SMIM20: variants seen among roughly 807,000 people sequenced by gnomAD.
SMIM20 encodes mitochondrial translation regulation assembly intermediate of cytochrome c oxidase protein of 7 kDa.
A neutral mutation model predicts 8.7 loss-of-function variants in SMIM20; 3 were observed. That is an observed-to-expected ratio of 0.34 (90% CI 0.16 to 0.89). The LOEUF is 0.89. Among genes scored for constraint, SMIM20 ranks in the 40% least tolerant of loss-of-function variants. SMIM20 has a pLI of 0.49. For synonymous variants in SMIM20, 44 were observed against 33.6 expected (o/e 1.31, Z -1.07); for missense variants, 85 against 84.8 (o/e 1.00, Z -0.01).
At chr4:25,919,697 C>G (rs1232329287) in intron 1 of SMIM20, among the ~76,000 whole-genome samples, 2 of 152,086 alleles carry the variant, frequency 1.3e-5, no homozygotes, top group African/African-American at 4.8e-5. Context: ...TGCCTCAAGC[C>G]TTCTTTATTC....
chr4:25,925,977 G>A (rs1005955489), intron 1 of SMIM20, among the ~76,000 whole-genome samples: 1 of 152,118 alleles, frequency 6.6e-6, no homozygotes, highest in Non-Finnish European at 1.5e-5. Flanking sequence ...GGGCAGAGTC[G>A]GGCTTGCTGA....
chr4:25,929,467 G>A lies in SMIM20; in HGVS notation c.*276G>A, dbSNP rs1036749939. ...AAGCTATCTCACCCAGCTGGGTTTG[G>A]AGGAGCAATCTGCTTATTATTCTGT... On this transcript the variant is annotated 3_prime_UTR_variant, in exon 3 of 3. Coordinates refer to ENST00000506197, the MANE Select transcript of SMIM20 (RefSeq NM_001145432.3). 14 of 396,332 alleles carry A rather than the reference G, an allele frequency of 3.5e-5. No homozygotes were observed. Among genetic ancestry groups the A allele is most frequent in the African/African-American group, 2.9e-4 (14 of 48,526 alleles). 24.6% of individuals were successfully genotyped at this position (396,332 alleles called of 1,614,324 possible). A position where few individuals can be genotyped will look rare whatever the true frequency, so the allele number is the denominator to read the frequency against.
At chr4:25,914,458 C>T (rs1405783875) in intron 1 of SMIM20, 36 bp downstream of exon 1, 11 of 1,427,148 alleles carry the variant, frequency 7.7e-6, no homozygotes, top group Non-Finnish European at 9.3e-6. Context: ...TGACCTGACT[C>T]CCCAACACAC....
chr4:25,919,931 C>A (rs1282100866), intron 1 of SMIM20, among the ~76,000 whole-genome samples: 2 of 152,226 alleles, frequency 1.3e-5, no homozygotes, highest in South Asian at 4.1e-4. Flanking sequence ...TGTTTATCTT[C>A]ACCCGCGTTC....
intron 1 of SMIM20, among the ~76,000 whole-genome samples, chr4:25,916,631 C>A (rs923889882): frequency 1.3e-5 from 2 of 152,204 alleles, no homozygotes; most frequent in South Asian, 2.1e-4. Context: ...TCTCGGCTCA[C>A]CGCAACCTCT....
chr4:25,921,683 A>T (rs1719204871), intron 1 of SMIM20, among the ~76,000 whole-genome samples: 1 of 152,224 alleles, frequency 6.6e-6, no homozygotes, highest in African/African-American at 2.4e-5. Flanking sequence ...CATCATCAGC[A>T]CGTGGCTGGG....
At chr4:25,915,864 G>GGGGGGC (rs1719081491) in intron 1 of SMIM20, among the ~76,000 whole-genome samples, 1 of 126,656 alleles carries the variant, frequency 7.9e-6, no homozygotes, top group Non-Finnish European at 1.7e-5. Flanking sequence ...TGGGGCGGGG[G>GGGGGGC]GGGGGTCGAG....
At chr4:25,923,669 G>A (rs376319000) in intron 1 of SMIM20, among the ~76,000 whole-genome samples, 2 of 152,208 alleles carry the variant, frequency 1.3e-5, no homozygotes, top group African/African-American at 2.4e-5. Context: ...GTTGATTTCC[G>A]CTGCACCTTG....
chr4:25,918,302 T>C (rs1292458136), intron 1 of SMIM20, among the ~76,000 whole-genome samples: 1 of 152,200 alleles, frequency 6.6e-6, no homozygotes, highest in Non-Finnish European at 1.5e-5. Flanking sequence ...TCTTGTTGGG[T>C]ACAGAGTTCT....
At chr4:25,926,255 T>C (rs574870739) in intron 1 of SMIM20, among the ~76,000 whole-genome samples, 1 of 152,382 alleles carries the variant, frequency 6.6e-6, no homozygotes, top group Admixed American at 6.5e-5. Context: ...GTTTTCCTTT[T>C]AGAGTATTCT....
At chr4:25,924,012 T>C (rs1719244816) in intron 1 of SMIM20, among the ~76,000 whole-genome samples, 1 of 152,142 alleles carries the variant, frequency 6.6e-6, no homozygotes, top group South Asian at 2.1e-4. Context: ...GTCATATGGC[T>C]TCCCCTCCGT....
In SMIM20 at chr4:25,929,257, C is replaced by T. The variant is rs1711588085; in HGVS notation, c.*66C>T. 1.3e-6 allele frequency: 2 copies of T among 1,500,908 alleles called. No homozygotes were observed. Among genetic ancestry groups the T allele is most frequent in the Non-Finnish European group, 1.8e-6 (2 of 1,101,400 alleles). The allele number at this position is 1,500,908 out of a possible 1,614,324, so 93.0% of individuals were successfully genotyped here. On this transcript the variant is annotated 3_prime_UTR_variant, in exon 3 of 3. Transcript: ENST00000506197. ...CATGCTTTCGATTCTGCATGGGGTA[C>T]AGCCAGTCACCTCACCAGAGAATGA...
intron 1 of SMIM20, among the ~76,000 whole-genome samples, chr4:25,928,046 T>C (rs1009286996): frequency 3.0e-4 from 46 of 152,222 alleles, no homozygotes; most frequent in African/African-American, 9.4e-4. Context: ...CTTTCCAAAA[T>C]GCTGAGATCA....
At chr4:25,916,582 G>C (rs1034629250) in intron 1 of SMIM20, among the ~76,000 whole-genome samples, 19 of 144,086 alleles carry the variant, frequency 1.3e-4, no homozygotes, top group African/African-American at 3.4e-4. Context: ...TTCTGAGACA[G>C]TCTCCCTCTG....
At chr4:25,927,442 T>C (rs532081135) in intron 1 of SMIM20, among the ~76,000 whole-genome samples, 11 of 152,360 alleles carry the variant, frequency 7.2e-5, no homozygotes, top group Non-Finnish European at 1.6e-4. Context: ...AATGGCCTGA[T>C]ACTAAATAAG....
intron 1 of SMIM20, among the ~76,000 whole-genome samples, chr4:25,925,386 G>A (rs762356087): frequency 5.9e-5 from 9 of 152,120 alleles, no homozygotes; most frequent in Non-Finnish European, 8.8e-5. Flanking sequence ...ATAGGCGCCC[G>A]CCACCATGCC....
intron 1 of SMIM20, among the ~76,000 whole-genome samples, chr4:25,914,893 C>T (rs759082332): frequency 6.6e-6 from 1 of 152,168 alleles, no homozygotes; most frequent in African/African-American, 2.4e-5. Flanking sequence ...CAAGGTCACA[C>T]AGCAAGTAAG....
intron 1 of SMIM20, among the ~76,000 whole-genome samples, chr4:25,927,149 C>T (rs142217424): frequency 1.3e-5 from 2 of 152,318 alleles, no homozygotes; most frequent in East Asian, 3.9e-4. Context: ...GCAGTGAAAC[C>T]ATCAGGCCGC....
At chr4:25,914,863 C>T (rs1719051591) in intron 1 of SMIM20, among the ~76,000 whole-genome samples, 1 of 152,174 alleles carries the variant, frequency 6.6e-6, no homozygotes, top group African/African-American at 2.4e-5. Context: ...CTGAGAGGCT[C>T]AGAGGTTTTA....
Sources: allele counts gnomAD v4.1 joint callset (sites outside exome capture counted in the v4.1 genomes callset), GRCh38; gene constraint gnomAD v4.1.1; transcripts MANE v1.5; gene names NCBI Gene and HGNC (gene_info 2026-07-23, HGNC 2026-07-21).